Variants in ING3 observed in about 807,000 individuals in gnomAD.
ING3 encodes inhibitor of growth family member 3.
A neutral mutation model predicts 64.8 loss-of-function variants in ING3; 6 were observed. The observed-to-expected ratio is 0.09, with a 90% CI of 0.05 to 0.18. ING3 has a LOEUF of 0.18. Among genes scored for constraint, ING3 ranks in the 10% least tolerant of loss-of-function variants. The pLI is 1.00. For missense variants in ING3, 310 were observed against 489.7 expected (o/e 0.63, Z 3.46); for synonymous variants, 170 against 173.7 (o/e 0.98, Z 0.17).
chr7:120,973,182 G>A, intron 10 of ING3, 23 bp from the exon 11 acceptor site: 2 of 1,365,918 alleles, frequency 1.5e-6, no homozygotes, highest in Non-Finnish European at 2.1e-6. Context: ...TCATAATAAA[G>A]ACATTTAATT....
At position 120,964,599 on chromosome 7, in the gene ING3, C is replaced by A. The variant is rs1795974676; in HGVS notation, c.268-143C>A. On this transcript the variant is annotated intron_variant, in intron 4 of 11. Coordinates refer to ENST00000315870, the MANE Select transcript of ING3 (RefSeq NM_019071.3). ...ACACCCTCATTTTATAGATTAAAAA[C>A]CTCTGAGGCATAGATTAATTGACTT... 4.9e-6 allele frequency: 3 copies of A among 610,766 alleles called. No individual in the cohort carries two copies. The East Asian group carries it at 8.2e-5, about 17-fold the overall frequency. 37.8% of individuals were successfully genotyped at this position (610,766 alleles called of 1,614,324 possible). A position where few individuals can be genotyped will look rare whatever the true frequency, so the allele number is the denominator to read the frequency against.
At chr7:120,967,320 T>C (rs1789471377) in intron 6 of ING3, among the ~76,000 whole-genome samples, 2 of 152,192 alleles carry the variant, frequency 1.3e-5, no homozygotes, top group South Asian at 4.1e-4. Flanking sequence ...AGTACTTTGC[T>C]AGAAGTTTTT....
At chr7:120,968,812 C>G (rs552192142) in intron 8 of ING3, among the ~76,000 whole-genome samples, 199 bp from the exon 9 acceptor site, 3 of 138,182 alleles carry the variant, frequency 2.2e-5, no homozygotes, top group African/African-American at 8.4e-5. Flanking sequence ...TGCCACTAGA[C>G]TCCAGCCCAA....
chr7:120,972,148 CTG>C (rs1796078094), intron 10 of ING3, among the ~76,000 whole-genome samples: 1 of 151,834 alleles, frequency 6.6e-6, no homozygotes, highest in Non-Finnish European at 1.5e-5. Context: ...GTAGTTATGA[CTG>C]TTAATTTTTT....
At chr7:120,951,502 A>G (rs1165159345) in intron 2 of ING3, among the ~76,000 whole-genome samples, 4 of 152,148 alleles carry the variant, frequency 2.6e-5, no homozygotes, top group Admixed American at 2.6e-4. Context: ...ATATTTCTCT[A>G]CCGTCATTGA....
At chr7:120,966,500 G>T in intron 5 of ING3, 126 bp from the exon 6 acceptor site, 1 of 774,604 alleles carries the variant, frequency 1.3e-6, no homozygotes. Flanking sequence ...AATAAATACA[G>T]GCATATGCAT....
rs973750369 is a variant in ING3, at chr7:120,968,007, C to G, written c.630C>G (p.Ser210=). The part of the protein sequence containing the change: ...YNVNSSQPLG[S]YNIGSLSSGT... ...TGAATTCCTCCCAACCTCTGGGATC[C>G]TATAACATTGGCTCGTTATCTTCAG... Residue 210 remains serine (S), a synonymous_variant, in exon 8 of 12, where the codon TCC becomes TCG. Transcript: ENST00000315870. The G allele has an allele frequency of 6.2e-7, 1 of 1,613,950 alleles. No homozygotes were observed. The highest frequency in any genetic ancestry group is 1.3e-5 in the African/African-American group (1 of 74,898).
At chr7:120,968,748 T>A (rs1249360293) in intron 8 of ING3, among the ~76,000 whole-genome samples, 2 of 146,652 alleles carry the variant, frequency 1.4e-5, no homozygotes, top group Non-Finnish European at 3.0e-5. Flanking sequence ...CGGTAGGCTA[T>A]GGCAGGAGAA....
intron 4 of ING3, chr7:120,956,270 T>A: frequency 6.6e-7 from 1 of 1,517,368 alleles, no homozygotes; most frequent in Non-Finnish European, 8.8e-7. Context: ...TCTCCTAAAA[T>A]ATACACTTTA....
rs774151840 is a variant in ING3, at chr7:120,953,386, A to G, written c.183A>G (p.Gln61=). The change falls in exon 3 of 12, where the codon CAA becomes CAG. Residue 61 remains glutamine, a synonymous_variant. Transcript: ENST00000315870. ...KKNKPEWREE[Q]MASIKKDYYK... is the part of the protein sequence containing the mutation. ...ATAAACCTGAGTGGAGGGAAGAGCA[A>G]ATGGCATCCATCAAAAAAGTATGTG... The G allele has an allele frequency of 1.2e-5, 19 of 1,599,876 alleles. No homozygotes were observed. In the African/African-American group the frequency reaches 2.4e-4, roughly 20 times the overall value.
At chr7:120,952,322 T>TA (rs1301625336) in intron 2 of ING3, among the ~76,000 whole-genome samples, 4 of 152,226 alleles carry the variant, frequency 2.6e-5, no homozygotes, top group African/African-American at 4.8e-5. Flanking sequence ...GTGAGGGGCT[T>TA]ACATTGTCTA....
At chr7:120,972,001 T>C (rs1270030833) in intron 10 of ING3, among the ~76,000 whole-genome samples, 1 of 152,156 alleles carries the variant, frequency 6.6e-6, no homozygotes. Flanking sequence ...AGTTGGACAT[T>C]TTTTGACCAT....
chr7:120,967,897 C>T, intron 7 of ING3, 37 bp from the exon 8 acceptor site: 1 of 1,606,484 alleles, frequency 6.2e-7, no homozygotes, highest in Non-Finnish European at 8.5e-7. Flanking sequence ...ATTATGTTCT[C>T]TGCAACCATT....
intron 9 of ING3, among the ~76,000 whole-genome samples, chr7:120,969,780 TAATG>T (rs1432967065): frequency 6.6e-6 from 1 of 152,206 alleles, no homozygotes; most frequent in East Asian, 1.9e-4. Flanking sequence ...TGTTTATACA[TAATG>T]AAAGTTCAAA....
intron 7 of ING3, 120 bp from the exon 8 acceptor site, chr7:120,967,814 T>C: frequency 8.0e-7 from 1 of 1,251,388 alleles, no homozygotes; most frequent in Non-Finnish European, 1.1e-6. Flanking sequence ...GTTGACTTAA[T>C]GTACAAGTGA....
chr7:120,964,670 G>T lies in ING3; in HGVS notation c.268-72G>T. The T allele has an allele frequency of 1.7e-6, 2 of 1,189,460 alleles. No individual in the cohort carries two copies. The highest frequency in any genetic ancestry group is 2.5e-6 in the Non-Finnish European group (2 of 802,150). 73.7% of individuals were successfully genotyped at this position (1,189,460 alleles called of 1,614,324 possible). On this transcript the variant is annotated intron_variant, in intron 4 of 11. Transcript: ENST00000315870. ...TTCACTAAAAGAAACAAAAATTTAG[G>T]TTTCCTCATTAAGCTGACACTTTAA...
At chr7:120,969,420 A>G (rs2116685898) in intron 9 of ING3, among the ~76,000 whole-genome samples, 2 of 152,356 alleles carry the variant, frequency 1.3e-5, no homozygotes, top group East Asian at 1.9e-4. Flanking sequence ...TTCTAGAGTC[A>G]TAAATTGAGT....
intron 9 of ING3, 72 bp downstream of exon 9, chr7:120,969,276 T>C (rs1429388082): frequency 1.7e-6 from 2 of 1,211,202 alleles, no homozygotes; most frequent in South Asian, 3.0e-5. Flanking sequence ...CAGCCAGGCC[T>C]CTCTATGTTA....
intron 4 of ING3, chr7:120,956,635 C>T: frequency 3.0e-6 from 3 of 987,670 alleles, no homozygotes; most frequent in Non-Finnish European, 3.6e-6. Context: ...ATAAAAGACA[C>T]TGCCTAAAGA....
Sources: allele counts gnomAD v4.1 joint callset (sites outside exome capture counted in the v4.1 genomes callset), GRCh38; gene constraint gnomAD v4.1.1; transcripts MANE v1.5; gene names NCBI Gene and HGNC (gene_info 2026-07-23, HGNC 2026-07-21).